VPS45: variants seen among roughly 807,000 people sequenced by gnomAD.
VPS45 encodes the protein vacuolar protein sorting-associated protein 45.
Under a neutral mutation model 75.9 loss-of-function variants are expected in VPS45, and 35 were observed. The observed-to-expected ratio is 0.46, with a 90% CI of 0.35 to 0.61. The LOEUF is 0.61. Ranked by LOEUF, VPS45 falls within the 20% of genes least tolerant of loss-of-function variation. The pLI is 0.00. For missense variants in VPS45, 559 were observed against 685.9 expected, an observed-to-expected ratio of 0.81 and a Z score of 2.07; for synonymous variants, 220 against 238.2, an observed-to-expected ratio of 0.92 and a Z score of 0.70.
intron 13 of VPS45, chr1:150,109,609 T>C (rs1553806802): frequency 6.6e-6 from 1 of 152,202 alleles, no homozygotes. Flanking sequence ...TTCTGATTGA[T>C]GTAGTTTTAG....
intron 14 of VPS45, among the ~76,000 whole-genome samples, chr1:150,140,870 A>C (rs1553815120): frequency 6.6e-6 from 1 of 152,248 alleles, no homozygotes; most frequent in African/African-American, 2.4e-5. Context: ...ACGTAACTCT[A>C]AGGGGAAAGC....
intron 2 of VPS45, 175 bp downstream of exon 2, chr1:150,068,939 C>A: frequency 1.6e-6 from 1 of 629,058 alleles, no homozygotes; most frequent in Non-Finnish European, 2.5e-6. Context: ...TTCAGTTGAC[C>A]CCTTACAGCC....
At chr1:150,129,072 A>G (rs1553811603) in intron 14 of VPS45, among the ~76,000 whole-genome samples, 1 of 152,196 alleles carries the variant, frequency 6.6e-6, no homozygotes, top group Admixed American at 6.5e-5. Flanking sequence ...AAAGGATTAG[A>G]CATCATTGCA....
rs1474633421 is a variant in VPS45 at position 150,068,880 on chromosome 1, C to A, written c.228+116C>A. On this transcript the variant is annotated intron_variant, in intron 2 of 14. Coordinates refer to ENST00000644510, the MANE Select transcript of VPS45 (RefSeq NM_007259.5). ...CATAATTTGTGGCATCATAATTATCCTGGTTCATCAGTGTTATAACCTTCA... is the reference window on the plus strand; with the variant it reads ...CATAATTTGTGGCATCATAATTATCATGGTTCATCAGTGTTATAACCTTCA... The A allele has an allele frequency of 5.2e-6, 6 of 1,162,988 alleles. No homozygotes were observed. In the East Asian group the frequency reaches 1.1e-4, roughly 20 times the overall value. 72.0% of individuals were successfully genotyped at this position (1,162,988 alleles called of 1,614,324 possible). A position where few individuals can be genotyped will look rare whatever the true frequency, so the allele number is the denominator to read the frequency against.
chr1:150,103,195 A>G (rs1409870876), intron 13 of VPS45, among the ~76,000 whole-genome samples: 6 of 152,188 alleles, frequency 3.9e-5, no homozygotes, highest in Non-Finnish European at 8.8e-5. Flanking sequence ...GGTGAATTAC[A>G]AAGCACAGGA....
Position 150,144,779 on chromosome 1 carries a change from T to A in VPS45, c.1696T>A (p.Ser566Thr). 1.9e-6 allele frequency: 3 copies of A among 1,614,118 alleles called. No individual in the cohort carries two copies. The highest frequency in any genetic ancestry group is 2.5e-6 in the Non-Finnish European group (3 of 1,180,026). ...GGAGAGCTCTCAAGTCACATCAAGG[T>A]CAGCGAGCAGAAGATGAAACGGTGG... Reference protein sequence around the residue: ...SKESSQVTSRSASRR With the variant: ...SKESSQVTSRTASRR Residue 566 changes from serine to threonine, a missense_variant, in exon 15 of 15, where the codon TCA (serine) becomes ACA (threonine). Transcript: ENST00000644510.
chr1:150,133,264 T>C (rs1258331145), intron 14 of VPS45, among the ~76,000 whole-genome samples: 2 of 152,116 alleles, frequency 1.3e-5, no homozygotes, highest in South Asian at 2.1e-4. Context: ...AATTAAAAGA[T>C]GAAGGCCAGG....
At chr1:150,110,314 C>T in intron 13 of VPS45, 182 bp from the exon 14 acceptor site, 1 of 541,558 alleles carries the variant, frequency 1.8e-6, no homozygotes, top group Non-Finnish European at 3.2e-6. Flanking sequence ...TTCAGCATTT[C>T]CTGCTCTGTT....
At chr1:150,080,875 C>G (rs1655664914) in intron 7 of VPS45, among the ~76,000 whole-genome samples, 1 of 152,174 alleles carries the variant, frequency 6.6e-6, no homozygotes. Flanking sequence ...CAAGGTTTTT[C>G]TGATAATATT....
At position 150,091,971 on chromosome 1, in the gene VPS45, C is replaced by T; in HGVS notation, c.1139C>T (p.Thr380Ile). Residue 380 changes from threonine (T) to isoleucine (I), a missense_variant, in exon 11 of 15, where the codon ACA (threonine) becomes ATA (isoleucine). Coordinates refer to ENST00000644510, the MANE Select transcript of VPS45 (RefSeq NM_007259.5). ...AGGCTTCTGCAGAACCCCAAAGTGACAGAGTTTGATGCTGCCCGCCTGGTG... is the reference window on the plus strand; with the variant it reads ...AGGCTTCTGCAGAACCCCAAAGTGATAGAGTTTGATGCTGCCCGCCTGGTG... ...IKRLLQNPKV[T>I]EFDAARLVML... is the part of the protein sequence containing the mutation. 1 of 1,614,006 alleles carries T rather than the reference C, an allele frequency of 6.2e-7. No individual in the cohort carries two copies. The highest frequency in any genetic ancestry group is 1.1e-5 in the South Asian group (1 of 91,058).
At chr1:150,119,610 A>G (rs782048573) in intron 14 of VPS45, among the ~76,000 whole-genome samples, 3 of 152,156 alleles carry the variant, frequency 2.0e-5, no homozygotes, top group South Asian at 4.1e-4. Flanking sequence ...CATGTAAGTC[A>G]TGGTATGGTT....
At chr1:150,135,062 A>G (rs961762154) in intron 14 of VPS45, among the ~76,000 whole-genome samples, 1 of 152,162 alleles carries the variant, frequency 6.6e-6, no homozygotes, top group Admixed American at 6.6e-5. Flanking sequence ...ATATTAGGAT[A>G]TGATTAGTCT....
intron 10 of VPS45, 157 bp downstream of exon 10, chr1:150,083,040 TAA>T (rs2101539705): frequency 1.3e-6 from 1 of 753,186 alleles, no homozygotes; most frequent in African/African-American, 1.8e-5. Context: ...GATAGATCTA[TAA>T]AAAGAGTCAC....
intron 14 of VPS45, among the ~76,000 whole-genome samples, chr1:150,122,401 G>C (rs1283750171): frequency 2.0e-5 from 3 of 152,064 alleles, no homozygotes; most frequent in Non-Finnish European, 4.4e-5. Context: ...CATGTCCTAA[G>C]AATCATGCAA....
At chr1:150,125,215 A>G (rs987870294) in intron 14 of VPS45, among the ~76,000 whole-genome samples, 1 of 151,222 alleles carries the variant, frequency 6.6e-6, no homozygotes, top group Admixed American at 6.6e-5. Flanking sequence ...TATACAATGT[A>G]TACTGATCAA....
At chr1:150,102,740 C>G (rs1207201052) in intron 13 of VPS45, among the ~76,000 whole-genome samples, 1 of 152,136 alleles carries the variant, frequency 6.6e-6, no homozygotes, top group Non-Finnish European at 1.5e-5. Context: ...GAGCTGGAGG[C>G]TATCACCCTT....
intron 14 of VPS45, among the ~76,000 whole-genome samples, chr1:150,130,793 T>C (rs782285899): frequency 2.0e-5 from 3 of 152,222 alleles, no homozygotes; most frequent in African/African-American, 4.8e-5. Flanking sequence ...TTTAAACACT[T>C]ATTCAATTGT....
At chr1:150,069,421 T>C (rs1654903732) in intron 2 of VPS45, among the ~76,000 whole-genome samples, 1 of 151,096 alleles carries the variant, frequency 6.6e-6, no homozygotes, top group South Asian at 2.1e-4. Flanking sequence ...GAGTCTCTCC[T>C]TTAAAAAGCC....
At chr1:150,134,476 CAT>C (rs1205604287) in intron 14 of VPS45, among the ~76,000 whole-genome samples, 1 of 152,196 alleles carries the variant, frequency 6.6e-6, no homozygotes, top group Non-Finnish European at 1.5e-5. Flanking sequence ...TTGCCAGTAA[CAT>C]AGATGTATCC....
Sources: gnomAD v4.1 joint callset for allele counts (sites outside exome capture counted in the v4.1 genomes callset) on GRCh38, gnomAD v4.1.1 for gene constraint, MANE v1.5 for transcripts, NCBI Gene and HGNC (gene_info 2026-07-23, HGNC 2026-07-21) for gene names.